Variants in KANSL1L observed in about 807,000 individuals in gnomAD.
KANSL1L encodes the protein KAT8 regulatory NSL complex subunit 1 like, also known as KAT8 regulatory NSL complex subunit 1-like protein.
Under a neutral mutation model 108.6 loss-of-function variants are expected in KANSL1L, and 25 were observed. The ratio of observed to expected loss-of-function variants is 0.23; its 90% CI spans 0.17 to 0.32. KANSL1L has a LOEUF of 0.32. Ranked by LOEUF, KANSL1L falls within the 10% of genes least tolerant of loss-of-function variation. The probability of loss-of-function intolerance (pLI) is 1.00; values close to 1 mark genes in which losing one functional copy is unlikely to be tolerated. For missense variants in KANSL1L, 1,137 were observed against 1,125.7 expected (o/e 1.01, Z -0.14); for synonymous variants, 405 against 395.1 (o/e 1.03, Z -0.30).
In KANSL1L at chr2:210,056,437, T is replaced by C. The variant is rs76109101; in HGVS notation, c.1756-12333A>G. 2.5e-3 allele frequency among the ~76,000 whole-genome samples: 383 copies of C among 152,332 alleles called. 10 individuals carry two copies. Among genetic ancestry groups the C allele is most frequent in the Admixed American group, 0.024 (360 of 15,296 alleles). On this transcript the variant is annotated intron_variant, in intron 6 of 14. Transcript: ENST00000281772. Reference sequence around the variant, plus strand: ...GCTAATCACCGAATCATTATCATCATCAACGTCATTCACATTTGATGAGGA... The same window carrying C: ...GCTAATCACCGAATCATTATCATCACCAACGTCATTCACATTTGATGAGGA...
At chr2:210,146,175 T>C (rs1037140717) in intron 2 of KANSL1L, among the ~76,000 whole-genome samples, 27 of 152,286 alleles carry the variant, frequency 1.8e-4, no homozygotes, top group African/African-American at 6.3e-4. Context: ...CATCTCCAGA[T>C]GTCTCAGGTA....
intron 8 of KANSL1L, among the ~76,000 whole-genome samples, chr2:210,031,928 C>A (rs549381719): frequency 1.3e-5 from 2 of 152,240 alleles, no homozygotes; most frequent in African/African-American, 2.4e-5. Context: ...CTAGACTGTG[C>A]GAGCAAGAAC....
At chr2:210,090,287 T>C (rs1488428983) in intron 5 of KANSL1L, among the ~76,000 whole-genome samples, 3 of 152,130 alleles carry the variant, frequency 2.0e-5, no homozygotes, top group African/African-American at 2.4e-5. Flanking sequence ...CTGTAAGACA[T>C]ACATTTGAAC....
chr2:210,094,807 CAT>C (rs1226617005), intron 5 of KANSL1L, among the ~76,000 whole-genome samples: 7 of 150,614 alleles, frequency 4.6e-5, no homozygotes, highest in African/African-American at 1.7e-4. Flanking sequence ...TCATTATAAA[CAT>C]ATTTATAGTT....
At chr2:210,027,860 GT>G (rs1559496206) in intron 11 of KANSL1L, among the ~76,000 whole-genome samples, 1 of 152,170 alleles carries the variant, frequency 6.6e-6, no homozygotes, top group Non-Finnish European at 1.5e-5. Context: ...AGCCACAAAT[GT>G]TATTACTTAT....
At chr2:210,038,429 G>A (rs1011866451) in intron 8 of KANSL1L, among the ~76,000 whole-genome samples, 1 of 151,952 alleles carries the variant, frequency 6.6e-6, no homozygotes, top group Admixed American at 6.6e-5. Context: ...ATATTTGAGG[G>A]TGCTATTTTT....
At chr2:210,171,560 C>G (rs1285391784), upstream of KANSL1L, 1 of 152,548 alleles carries the variant, frequency 6.6e-6, no homozygotes, top group Non-Finnish European at 1.5e-5. Context: ...GCACGACTCC[C>G]TTAACTCTGG....
At chr2:210,060,523 T>C (rs1278500590) in intron 6 of KANSL1L, among the ~76,000 whole-genome samples, 1 of 152,204 alleles carries the variant, frequency 6.6e-6, no homozygotes, top group East Asian at 1.9e-4. Flanking sequence ...CTCAAAATAG[T>C]TTCCCACCCA....
chr2:210,133,456 T>C (rs1196090062), intron 2 of KANSL1L, among the ~76,000 whole-genome samples: 1 of 152,128 alleles, frequency 6.6e-6, no homozygotes, highest in Non-Finnish European at 1.5e-5. Flanking sequence ...ACATCTATAG[T>C]GATATTTTTC....
intron 7 of KANSL1L, 107 bp downstream of exon 7, chr2:210,043,832 C>T (rs984319965): frequency 2.6e-6 from 2 of 767,650 alleles, no homozygotes; most frequent in Non-Finnish European, 4.0e-6. Context: ...CTAATATCTA[C>T]TGAAAAAAAA....
chr2:210,070,942 G>A (rs974605594), intron 6 of KANSL1L, among the ~76,000 whole-genome samples: 16 of 151,982 alleles, frequency 1.1e-4, no homozygotes, highest in East Asian at 9.8e-4. Flanking sequence ...GGTGGATCAC[G>A]AGGTCAGAAG....
chr2:210,103,809 A>G lies in KANSL1L; in HGVS notation c.1428+295T>C, dbSNP rs192543812. Among the ~76,000 whole-genome samples the G allele has an allele frequency of 2.8e-3, 425 of 152,300 alleles. 7 individuals are homozygous for G. The highest frequency in any genetic ancestry group is 9.9e-3 in the South Asian group (48 of 4,830). On this transcript the variant is annotated intron_variant, in intron 4 of 14. Coordinates refer to ENST00000281772, the MANE Select transcript of KANSL1L (RefSeq NM_152519.4). Reference sequence around the variant, plus strand: ...GTTCTCTCTCCTTGAAAAAAATCCAATGATAAACAATTTTGTTAGAAAAAG... The same window carrying G: ...GTTCTCTCTCCTTGAAAAAAATCCAGTGATAAACAATTTTGTTAGAAAAAG...
intron 5 of KANSL1L, among the ~76,000 whole-genome samples, chr2:210,087,750 CA>C (rs1392907639): frequency 4.6e-5 from 7 of 152,132 alleles, no homozygotes; most frequent in Non-Finnish European, 1.0e-4. Flanking sequence ...AACAAAATAA[CA>C]TCACATTTGT....
At position 210,131,669 on chromosome 2, in the gene KANSL1L, A is replaced by G. The variant is rs369463070; in HGVS notation, c.1089-2497T>C. On this transcript the variant is annotated intron_variant, in intron 2 of 14. Coordinates refer to ENST00000281772, the MANE Select transcript of KANSL1L (RefSeq NM_152519.4). ...ATACCAGATTAAATTTAAGTAAACC[A>G]AATCGCATCGGACGCTTTGTGATAT... Among the ~76,000 whole-genome samples, 25 of 152,242 alleles carry G rather than the reference A, an allele frequency of 1.6e-4. No individual in the cohort carries two copies. The East Asian group carries it at 2.3e-3, about 14-fold the overall frequency.
intron 2 of KANSL1L, among the ~76,000 whole-genome samples, chr2:210,130,238 G>T (rs2095108204): frequency 6.6e-6 from 1 of 152,134 alleles, no homozygotes; most frequent in African/African-American, 2.4e-5. Flanking sequence ...ACTGGGAAAG[G>T]TTATGCATTT....
At chr2:210,137,587 A>G (rs984803885) in intron 2 of KANSL1L, among the ~76,000 whole-genome samples, 3 of 152,232 alleles carry the variant, frequency 2.0e-5, no homozygotes, top group African/African-American at 7.2e-5. Flanking sequence ...TCTTAAATAT[A>G]TTATGCAACA....
chr2:210,160,677 T>G (rs927165703), intron 1 of KANSL1L, among the ~76,000 whole-genome samples: 7 of 152,178 alleles, frequency 4.6e-5, no homozygotes, highest in Admixed American at 2.0e-4. Flanking sequence ...ACCTAAATAG[T>G]GCATTACACT....
intron 1 of KANSL1L, among the ~76,000 whole-genome samples, chr2:210,163,651 T>C (rs1163204845): frequency 6.6e-6 from 1 of 151,946 alleles, no homozygotes; most frequent in African/African-American, 2.4e-5. Flanking sequence ...AAACCACATA[T>C]CCAGGAAGCT....
At chr2:210,139,742 CTTT>C (rs200971902) in intron 2 of KANSL1L, among the ~76,000 whole-genome samples, 16 of 134,304 alleles carry the variant, frequency 1.2e-4, no homozygotes, top group Non-Finnish European at 1.6e-4. Flanking sequence ...TGCCCATTTC[CTTT>C]TTTTTTTTTT....
Sources: gnomAD v4.1 joint callset for allele counts (sites outside exome capture counted in the v4.1 genomes callset) on GRCh38, gnomAD v4.1.1 for gene constraint, MANE v1.5 for transcripts, NCBI Gene and HGNC (gene_info 2026-07-23, HGNC 2026-07-21) for gene names.